GUCY1A2: variants seen among roughly 807,000 people sequenced by gnomAD.
GUCY1A2 encodes the protein guanylate cyclase soluble subunit alpha-2.
In GUCY1A2, 27 loss-of-function variants were observed where a neutral mutation model predicts 63.5. The observed-to-expected ratio is 0.43, with a 90% CI of 0.31 to 0.59. The LOEUF (loss-of-function observed/expected upper bound fraction) is 0.59. Among genes scored for constraint, GUCY1A2 ranks in the 20% least tolerant of loss-of-function variants. The pLI, the probability that GUCY1A2 is intolerant of heterozygous loss-of-function variation, is 0.11. For synonymous variants in GUCY1A2, 364 were observed against 343.5 expected (o/e 1.06, Z -0.66); for missense variants, 768 against 913.3 (o/e 0.84, Z 2.05).
At chr11:106,701,856 T>C (rs1191047574) in intron 7 of GUCY1A2, among the ~76,000 whole-genome samples, 2 of 152,242 alleles carry the variant, frequency 1.3e-5, no homozygotes, top group African/African-American at 4.8e-5. Context: ...TCATTATGCA[T>C]TGTAAACACT....
intron 7 of GUCY1A2, among the ~76,000 whole-genome samples, chr11:106,705,214 CT>C (rs1235204959): frequency 6.6e-6 from 1 of 152,094 alleles, no homozygotes; most frequent in African/African-American, 2.4e-5. Flanking sequence ...GAGTCATACA[CT>C]GAAATGTCAT....
intron 6 of GUCY1A2, among the ~76,000 whole-genome samples, chr11:106,738,102 A>G (rs1280598866): frequency 6.6e-6 from 1 of 152,174 alleles, no homozygotes; most frequent in Non-Finnish European, 1.5e-5. Context: ...CTGGTGTGAG[A>G]TGGTATCTCA....
In GUCY1A2 at chr11:106,710,318, TA is replaced by T. The variant is rs1565265597; in HGVS notation, c.1837-1653del. Among the ~76,000 whole-genome samples, 119 of 16,734 alleles carry T rather than the reference TA, an allele frequency of 7.1e-3. 11 individuals are homozygous for T. Among genetic ancestry groups the T allele is most frequent in the African/African-American group, 0.033 (105 of 3,184 alleles). The allele number at this position is 16,734 out of a possible 152,430, so 11.0% of individuals were successfully genotyped here. On this transcript the variant is annotated intron_variant, in intron 6 of 7. Coordinates refer to ENST00000526355, the MANE Select transcript of GUCY1A2 (RefSeq NM_000855.3). ...TAGTTATATATTATATACATGTATA[TA>T]ATATAGTTATATATATAATATATAG... is the stretch of plus-strand genomic sequence containing the variant.
chr11:106,689,712 C>T (rs12271095), intron 7 of GUCY1A2, among the ~76,000 whole-genome samples: 2,233 of 152,180 alleles, frequency 0.015, 44 homozygotes, highest in African/African-American at 0.046. Context: ...AGCCAAGGGC[C>T]GGGCACGGTG....
rs144754128 is a variant in GUCY1A2, at chr11:106,738,222, C to T, written c.1837-29556G>A. ...GAAAGGTGTCTTTCATGTCCTTAGC[C>T]CACTTTTGATGGGTTGTTTGTACTT... On this transcript the variant is annotated intron_variant, in intron 6 of 7. Coordinates refer to ENST00000526355, the MANE Select transcript of GUCY1A2 (RefSeq NM_000855.3). Among the ~76,000 whole-genome samples, 73 of 152,180 alleles carry T rather than the reference C, an allele frequency of 4.8e-4. 1 individual carries two copies. The East Asian group carries it at 0.014, about 29-fold the overall frequency.
At chr11:106,987,774 G>A (rs947101413) in intron 1 of GUCY1A2, among the ~76,000 whole-genome samples, 2 of 151,838 alleles carry the variant, frequency 1.3e-5, no homozygotes, top group African/African-American at 4.8e-5. Flanking sequence ...AACACTCTTC[G>A]AATCTTTAAC....
At chr11:106,778,181 A>T (rs1200485899) in intron 5 of GUCY1A2, among the ~76,000 whole-genome samples, 1 of 152,184 alleles carries the variant, frequency 6.6e-6, no homozygotes, top group Non-Finnish European at 1.5e-5. Context: ...AATAGTTTTA[A>T]TATTATTAAT....
chr11:106,757,844 A>T (rs973982468), intron 6 of GUCY1A2, among the ~76,000 whole-genome samples: 1 of 152,176 alleles, frequency 6.6e-6, no homozygotes, highest in African/African-American at 2.4e-5. Flanking sequence ...GACCCACTTG[A>T]GGAGACAGTC....
chr11:106,698,235 T>C (rs1435223785), intron 7 of GUCY1A2, among the ~76,000 whole-genome samples: 2 of 148,808 alleles, frequency 1.3e-5, no homozygotes, highest in Non-Finnish European at 3.0e-5. Context: ...TCCCCCTGCC[T>C]CAGCCTCTTG....
chr11:106,771,102 T>C (rs1864247509), intron 6 of GUCY1A2, among the ~76,000 whole-genome samples: 1 of 152,124 alleles, frequency 6.6e-6, no homozygotes, highest in Admixed American at 6.5e-5. Flanking sequence ...ACATACTCAA[T>C]ATTCTTCAAA....
chr11:106,713,230 G>A (rs1283729622), intron 6 of GUCY1A2, among the ~76,000 whole-genome samples: 21 of 152,016 alleles, frequency 1.4e-4, no homozygotes, highest in Non-Finnish European at 2.9e-5. Flanking sequence ...CTGTTCTTTT[G>A]TATGTTTTGT....
chr11:106,924,164 T>C (rs528417573), intron 4 of GUCY1A2, among the ~76,000 whole-genome samples: 11 of 152,086 alleles, frequency 7.2e-5, no homozygotes, highest in African/African-American at 2.7e-4. Flanking sequence ...TAGTATAATC[T>C]ACTGGCAATT....
chr11:106,798,337 A>C (rs1425879833), intron 5 of GUCY1A2, among the ~76,000 whole-genome samples: 2 of 152,178 alleles, frequency 1.3e-5, no homozygotes, highest in Non-Finnish European at 2.9e-5. Context: ...CCAGAGGTAC[A>C]AGGAGGAGCT....
Position 106,827,078 on chromosome 11 carries a change from T to C in GUCY1A2, c.1207-16600A>G, listed in dbSNP as rs1436794894. 2.6e-6 allele frequency: 4 copies of C among 1,514,052 alleles called. No homozygotes were observed. In the African/African-American group the frequency reaches 4.1e-5, roughly 16 times the overall value. 93.8% of individuals were successfully genotyped at this position (1,514,052 alleles called of 1,614,324 possible). On this transcript the variant is annotated intron_variant, in intron 4 of 7. Coordinates refer to ENST00000526355, the MANE Select transcript of GUCY1A2 (RefSeq NM_000855.3). Reference sequence around the variant, plus strand: ...GTGAAGGACTTTTTCTTCAAAATTCTAAACTCATCCTGAAGGTAGATTTTC... The same window carrying C: ...GTGAAGGACTTTTTCTTCAAAATTCCAAACTCATCCTGAAGGTAGATTTTC...
chr11:106,882,958 T>C (rs966519144), intron 4 of GUCY1A2, among the ~76,000 whole-genome samples: 13 of 152,166 alleles, frequency 8.5e-5, no homozygotes, highest in African/African-American at 2.6e-4. Context: ...GAAAAACACA[T>C]GAAAATTGAA....
chr11:106,767,463 T>C (rs1165566354), intron 6 of GUCY1A2, among the ~76,000 whole-genome samples: 1 of 152,132 alleles, frequency 6.6e-6, no homozygotes, highest in Non-Finnish European at 1.5e-5. Context: ...GTTTGACAAA[T>C]ATCATAATAA....
chr11:106,748,734 A>G (rs1287680344), intron 6 of GUCY1A2, among the ~76,000 whole-genome samples: 1 of 152,176 alleles, frequency 6.6e-6, no homozygotes, highest in Admixed American at 6.6e-5. Context: ...ATTATTTTTA[A>G]TACGCTAATA....
intron 4 of GUCY1A2, among the ~76,000 whole-genome samples, chr11:106,832,462 G>C (rs1042279129): frequency 1.9e-4 from 29 of 152,112 alleles, no homozygotes; most frequent in African/African-American, 7.0e-4. Context: ...ATTAGGAGGT[G>C]TAAGATGGAG....
At chr11:106,883,387 T>G (rs1859853346) in intron 4 of GUCY1A2, among the ~76,000 whole-genome samples, 1 of 148,224 alleles carries the variant, frequency 6.7e-6, no homozygotes, top group Non-Finnish European at 1.5e-5. Context: ...ATGTATTCAT[T>G]CATTCATTCA....
Sources: allele counts gnomAD v4.1 joint callset (sites outside exome capture counted in the v4.1 genomes callset), GRCh38; gene constraint gnomAD v4.1.1; transcripts MANE v1.5; gene names NCBI Gene and HGNC (gene_info 2026-07-23, HGNC 2026-07-21).